BRINP3: variants seen among roughly 807,000 people sequenced by gnomAD.
BRINP3 encodes the protein BMP/retinoic acid-inducible neural-specific protein 3.
BRINP3 carries 19 observed loss-of-function variants against 71.0 expected under a neutral mutation model. The observed-to-expected ratio is 0.27, with a 90% CI of 0.19 to 0.39. BRINP3 has a LOEUF of 0.39. Among genes scored for constraint, BRINP3 ranks in the 10% least tolerant of loss-of-function variants. The pLI is 1.00. For synonymous variants in BRINP3, 380 were observed against 337.7 expected (o/e 1.13, Z -1.37); for missense variants, 959 against 940.8 (o/e 1.02, Z -0.25).
At chr1:190,371,262 C>T (rs979746202) in intron 2 of BRINP3, among the ~76,000 whole-genome samples, 19 of 152,106 alleles carry the variant, frequency 1.2e-4, no homozygotes, top group African/African-American at 4.6e-4. Flanking sequence ...ATCAATGTTG[C>T]GGAGGCTTTC....
rs187754968 is a variant in BRINP3, at chr1:190,143,175, C to T, written c.1184+17493G>A. Among the ~76,000 whole-genome samples the T allele has an allele frequency of 1.7e-4, 26 of 152,168 alleles. No homozygotes were observed. The East Asian group carries it at 5.0e-3, about 29-fold the overall frequency. ...AATGCAAGTAGCCTATATACTTGTC[C>T]GATTATCTTTCTAAAGATTTTTGGC... On this transcript the variant is annotated intron_variant, in intron 7 of 7. Coordinates refer to ENST00000367462, the MANE Select transcript of BRINP3 (RefSeq NM_199051.3).
At chr1:190,199,599 T>C (rs899817496) in intron 6 of BRINP3, among the ~76,000 whole-genome samples, 36 of 152,126 alleles carry the variant, frequency 2.4e-4, no homozygotes, top group African/African-American at 8.4e-4. Flanking sequence ...AACCAAAACA[T>C]TTTCTTGTGT....
rs1183004883 is a variant in BRINP3 at position 190,240,870 on chromosome 1, C to T, written c.619-6393G>A. Among the ~76,000 whole-genome samples the T allele has an allele frequency of 1.5e-4, 9 of 61,252 alleles. No individual in the cohort carries two copies. In the East Asian group the frequency reaches 5.4e-3, roughly 37 times the overall value. The allele number at this position is 61,252 out of a possible 152,430, so 40.2% of individuals were successfully genotyped here. A position where few individuals can be genotyped will look rare whatever the true frequency, so the allele number is the denominator to read the frequency against. On this transcript the variant is annotated intron_variant, in intron 4 of 7. Coordinates refer to ENST00000367462, the MANE Select transcript of BRINP3 (RefSeq NM_199051.3). The stretch of plus-strand genomic sequence containing the variant: ...CTGGGCAATAAGAGTGAAACTCTGT[C>T]TCAAAAAAAAAAAAAAAAAAAAAAA...
chr1:190,426,992 T>A (rs1164507164), intron 2 of BRINP3, among the ~76,000 whole-genome samples: 1 of 151,840 alleles, frequency 6.6e-6, no homozygotes, highest in East Asian at 1.9e-4. Context: ...GATGTTGAAA[T>A]TTTTTAAGGT....
chr1:190,154,189 A>G (rs916966059), intron 7 of BRINP3: 4 of 328,892 alleles, frequency 1.2e-5, no homozygotes, highest in African/African-American at 9.0e-5. Flanking sequence ...CATTCCTCCC[A>G]TTTATATACA....
At chr1:190,453,201 GTATTTTTTTTTTTT>G (rs1267538093) in intron 2 of BRINP3, among the ~76,000 whole-genome samples, 2 of 37,856 alleles carry the variant, frequency 5.3e-5, no homozygotes, top group Non-Finnish European at 1.2e-4. Flanking sequence ...AAAAACTTTA[GTATTTTTTTTTTTT>G]TTTTTTTTTT....
At chr1:190,292,522 C>G (rs1018843217) in intron 2 of BRINP3, among the ~76,000 whole-genome samples, 1 of 151,992 alleles carries the variant, frequency 6.6e-6, no homozygotes, top group Admixed American at 6.6e-5. Context: ...GTGGCATTTG[C>G]CTGTAGTCCT....
intron 6 of BRINP3, among the ~76,000 whole-genome samples, chr1:190,214,970 C>T (rs546905473): frequency 1.3e-5 from 2 of 151,348 alleles, no homozygotes; most frequent in South Asian, 2.1e-4. Context: ...ACCAAAGAAA[C>T]ATTTTTCTAT....
At position 190,234,467 on chromosome 1, in the gene BRINP3, G is replaced by A; in HGVS notation, c.629C>T (p.Thr210Ile). 9 of 1,611,960 alleles carry A rather than the reference G, an allele frequency of 5.6e-6. No homozygotes were observed. Among genetic ancestry groups the A allele is most frequent in the Non-Finnish European group, 7.6e-6 (9 of 1,178,586 alleles). The part of the protein sequence containing the change: ...IASTAIKVTE[T>I]RTGPLGCSNY... ...ACTGCAGCCAAGAGGACCAGTCCGT[G>A]TTTCTGTTACCTGGCAAACAAAACA... is the stretch of plus-strand genomic sequence containing the variant. Residue 210 changes from threonine to isoleucine, a missense_variant, in exon 5 of 8, where the codon ACA becomes ATA. Thr to Ile is a moderately conservative substitution (Grantham distance 89). Coordinates refer to ENST00000367462, the MANE Select transcript of BRINP3 (RefSeq NM_199051.3).
At chr1:190,451,374 G>A (rs949637321) in intron 2 of BRINP3, among the ~76,000 whole-genome samples, 3 of 152,082 alleles carry the variant, frequency 2.0e-5, no homozygotes, top group African/African-American at 7.2e-5. Context: ...TGTATTAAAA[G>A]AATAAAGATT....
chr1:190,330,612 C>G (rs1442929200), intron 2 of BRINP3, among the ~76,000 whole-genome samples: 1 of 151,976 alleles, frequency 6.6e-6, no homozygotes, highest in Admixed American at 6.6e-5. Flanking sequence ...CCATTAGACC[C>G]AGCAATCCCA....
chr1:190,353,606 A>G (rs1328144973), intron 2 of BRINP3, among the ~76,000 whole-genome samples: 3 of 152,024 alleles, frequency 2.0e-5, no homozygotes, highest in Non-Finnish European at 4.4e-5. Context: ...TCCTTGTTCA[A>G]TGCTTGTACT....
chr1:190,424,538 T>A (rs1673578197), intron 2 of BRINP3, among the ~76,000 whole-genome samples: 1 of 151,668 alleles, frequency 6.6e-6, no homozygotes, highest in Non-Finnish European at 1.5e-5. Context: ...GTCAAGCAGC[T>A]GGTAGTGGCT....
intron 7 of BRINP3, among the ~76,000 whole-genome samples, chr1:190,131,701 C>T (rs1043996810): frequency 6.6e-6 from 1 of 152,082 alleles, no homozygotes; most frequent in Non-Finnish European, 1.5e-5. Flanking sequence ...CCTGCTCCAA[C>T]AATTCAGCCC....
At chr1:190,452,357 A>G (rs1675668747) in intron 2 of BRINP3, among the ~76,000 whole-genome samples, 1 of 152,230 alleles carries the variant, frequency 6.6e-6, no homozygotes, top group Non-Finnish European at 1.5e-5. Flanking sequence ...TGGATTTAAT[A>G]TCTTTACATG....
In BRINP3 at chr1:190,420,936, G is replaced by T. The variant is rs1157187; in HGVS notation, c.236+33719C>A. Among the ~76,000 whole-genome samples the T allele has an allele frequency of 4.7e-4, 72 of 151,952 alleles. 1 individual carries two copies. Among genetic ancestry groups the T allele is most frequent in the African/African-American group, 1.6e-3 (67 of 41,520 alleles). On this transcript the variant is annotated intron_variant, in intron 2 of 7. Coordinates refer to ENST00000367462, the MANE Select transcript of BRINP3 (RefSeq NM_199051.3). ...ACCAGAAAGAGGTCAGAACAAGCTT[G>T]TTGGGTGAAAACTCTTGAGTCCAGA...
intron 2 of BRINP3, among the ~76,000 whole-genome samples, chr1:190,389,034 T>G (rs2102294010): frequency 6.6e-6 from 1 of 151,756 alleles, no homozygotes; most frequent in South Asian, 2.1e-4. Context: ...AAAGGTAAAG[T>G]ATGAAGTACC....
rs577434868 is a variant in BRINP3 at position 190,109,755 on chromosome 1, T to C, written c.1185-10621A>G. Reference sequence around the variant, plus strand: ...GGAGTTGGCAAGCTCTTTTTTTCCCTGCCCTTGGGCATCTGAATTTCAGTT... The same window carrying C: ...GGAGTTGGCAAGCTCTTTTTTTCCCCGCCCTTGGGCATCTGAATTTCAGTT... On this transcript the variant is annotated intron_variant, in intron 7 of 7. Coordinates refer to ENST00000367462, the MANE Select transcript of BRINP3 (RefSeq NM_199051.3). Among the ~76,000 whole-genome samples, 115 of 152,254 alleles carry C rather than the reference T, an allele frequency of 7.6e-4. 1 individual carries two copies. Among genetic ancestry groups the C allele is most frequent in the Non-Finnish European group, 1.4e-3 (93 of 68,034 alleles).
intron 2 of BRINP3, among the ~76,000 whole-genome samples, chr1:190,369,747 T>A (rs891148980): frequency 1.3e-4 from 20 of 152,092 alleles, no homozygotes; most frequent in African/African-American, 1.9e-4. Flanking sequence ...CCAGGACAAG[T>A]TTTATAACGA....
Sources: allele counts gnomAD v4.1 joint callset (sites outside exome capture counted in the v4.1 genomes callset), GRCh38; gene constraint gnomAD v4.1.1; transcripts MANE v1.5; gene names NCBI Gene and HGNC (gene_info 2026-07-23, HGNC 2026-07-21).